The following DACH2 variants were observed in gnomAD, a reference collection of about 807,000 sequenced individuals.
DACH2 encodes the protein dachshund homolog 2.
In DACH2, 17 loss-of-function variants were observed where a neutral mutation model predicts 35.8. That is an observed-to-expected ratio of 0.48 (90% CI 0.33 to 0.71). The LOEUF is 0.71. Ranked by LOEUF, DACH2 falls within the 30% of genes least tolerant of loss-of-function variation. DACH2 has a pLI of 0.02. For synonymous variants in DACH2, 195 were observed against 177.3 expected (o/e 1.10, Z -0.79); for missense variants, 469 against 472.7 (o/e 0.99, Z 0.07).
chrX:86,645,302 A>G (rs761384156), intron 3 of DACH2, among the ~76,000 whole-genome samples: 2 of 111,752 alleles, frequency 1.8e-5, no homozygotes, highest in South Asian at 7.5e-4. Context: ...GCGAACAAGC[A>G]TATGAAAAAA....
chrX:86,514,283 A>G lies in DACH2; in HGVS notation c.532A>G (p.Arg178Gly), dbSNP rs2038435988. The G allele has an allele frequency of 1.7e-6, 2 of 1,210,177 alleles. No homozygotes were observed. Among genetic ancestry groups the G allele is most frequent in the Non-Finnish European group, 2.2e-6 (2 of 894,571 alleles). ...TATTTGTCTGTTTTTCAACAGTTCA[A>G]GACCCGGCAGGCCCCCTAAGCGTTC... ...MTRKQAVNSS[R>G]PGRPPKRSLG... Residue 178 changes from arginine to glycine, a missense_variant, in exon 3 of 12, where the codon AGA (arginine) becomes GGA (glycine). Physicochemically the swap from Arg to Gly is moderately radical, Grantham distance 125 (BLOSUM62 -2). Coordinates refer to ENST00000373125, the MANE Select transcript of DACH2 (RefSeq NM_053281.3).
At chrX:86,149,218 G>C in intron 1 of DACH2, 110 bp downstream of exon 1, 1 of 926,831 alleles carries the variant, frequency 1.1e-6, no homozygotes, top group Non-Finnish European at 1.4e-6. Context: ...TAACTAGTTT[G>C]CCTCTATTCT....
chrX:86,809,550 T>C lies in DACH2; in HGVS notation c.1241-3306T>C, dbSNP rs368843290. Among the ~76,000 whole-genome samples the C allele has an allele frequency of 1.7e-4, 19 of 112,063 alleles. No homozygotes were observed. In the East Asian group the frequency reaches 3.9e-3, roughly 23 times the overall value. ...GATGTATGGTTTGACAGTTTCCTCT[T>C]GCATACACTAAAACATAATACACTT... On this transcript the variant is annotated intron_variant, in intron 7 of 11. Transcript: ENST00000373125.
chrX:86,594,548 T>C (rs896309732), intron 3 of DACH2, among the ~76,000 whole-genome samples: 7 of 109,858 alleles, frequency 6.4e-5, no homozygotes, highest in African/African-American at 1.6e-4. Context: ...AAAACACTTT[T>C]AATTTATCTT....
chrX:86,323,622 C>T (rs1377295509), intron 1 of DACH2, among the ~76,000 whole-genome samples: 1 of 111,972 alleles, frequency 8.9e-6, no homozygotes, highest in African/African-American at 3.2e-5. Context: ...GACAACCAGT[C>T]GGGCATAGGG....
chrX:86,242,348 G>A (rs987544519), intron 1 of DACH2, among the ~76,000 whole-genome samples: 12 of 112,099 alleles, frequency 1.1e-4, no homozygotes, highest in Admixed American at 5.7e-4. Flanking sequence ...GGAGCTTTAC[G>A]ATTTATTGAG....
intron 3 of DACH2, among the ~76,000 whole-genome samples, chrX:86,522,439 G>A (rs948729781): frequency 5.4e-5 from 6 of 111,165 alleles, no homozygotes; most frequent in African/African-American, 2.0e-4. Flanking sequence ...TATTCATTTA[G>A]ATATTATATC....
intron 1 of DACH2, among the ~76,000 whole-genome samples, chrX:86,244,188 C>A (rs1394145861): frequency 9.0e-6 from 1 of 111,424 alleles, no homozygotes; most frequent in Non-Finnish European, 1.9e-5. Flanking sequence ...CAAAGCCAAT[C>A]AAAAAGATTG....
chrX:86,174,716 C>G (rs2031246944), intron 1 of DACH2, among the ~76,000 whole-genome samples: 1 of 111,532 alleles, frequency 9.0e-6, no homozygotes, highest in Admixed American at 9.5e-5. Flanking sequence ...CTGTGTTGCC[C>G]AGGCTGGAGT....
chrX:86,314,301 G>A (rs2034855197), intron 1 of DACH2, among the ~76,000 whole-genome samples: 1 of 111,222 alleles, frequency 9.0e-6, no homozygotes, highest in African/African-American at 3.3e-5. Context: ...AGGATCATTT[G>A]AGCCTAGGAG....
At chrX:86,364,152 A>G (rs1189083244) in intron 1 of DACH2, among the ~76,000 whole-genome samples, 2 of 111,172 alleles carry the variant, frequency 1.8e-5, no homozygotes, top group African/African-American at 6.5e-5. Context: ...TAATTTTTTT[A>G]TTTTTGTTTG....
chrX:86,612,382 C>A (rs1435007761), intron 3 of DACH2, among the ~76,000 whole-genome samples: 1 of 110,366 alleles, frequency 9.1e-6, no homozygotes, highest in African/African-American at 3.3e-5. Context: ...CCTCCCTAGT[C>A]CACTGGCTCT....
chrX:86,512,299 C>T (rs1028870129), intron 2 of DACH2, among the ~76,000 whole-genome samples: 7 of 103,361 alleles, frequency 6.8e-5, no homozygotes, highest in African/African-American at 2.5e-4. Context: ...GCTGTGAAAC[C>T]ATTTTTTTTT....
At chrX:86,808,630 T>A (rs1329990871) in intron 7 of DACH2, among the ~76,000 whole-genome samples, 15 of 84,998 alleles carry the variant, frequency 1.8e-4, no homozygotes, top group African/African-American at 7.5e-4. Context: ...CTGAATGTAA[T>A]AATAATGACA....
At chrX:86,444,179 C>T (rs1207230148) in intron 2 of DACH2, among the ~76,000 whole-genome samples, 1 of 111,857 alleles carries the variant, frequency 8.9e-6, no homozygotes, top group East Asian at 2.8e-4. Context: ...TAGCCTTGAA[C>T]TCAGCTTAAG....
At chrX:86,529,338 C>A in intron 3 of DACH2, among the ~76,000 whole-genome samples, 1 of 110,610 alleles carries the variant, frequency 9.0e-6, no homozygotes, top group East Asian at 2.9e-4. Flanking sequence ...AGCCACTGCA[C>A]CTGGCCTTAG....
At chrX:86,373,479 T>G (rs773430504) in intron 1 of DACH2, among the ~76,000 whole-genome samples, 1 of 110,983 alleles carries the variant, frequency 9.0e-6, no homozygotes, top group South Asian at 3.7e-4. Context: ...ATGACAGTCT[T>G]TGGGAGGACA....
intron 3 of DACH2, among the ~76,000 whole-genome samples, chrX:86,549,413 G>A (rs1402781329): frequency 1.8e-5 from 2 of 111,088 alleles, no homozygotes; most frequent in Non-Finnish European, 3.8e-5. Flanking sequence ...CAATTTGTAA[G>A]TATAGATTCA....
At chrX:86,553,066 C>T (rs572915649) in intron 3 of DACH2, among the ~76,000 whole-genome samples, 1 of 110,829 alleles carries the variant, frequency 9.0e-6, no homozygotes, top group African/African-American at 3.3e-5. Context: ...AATATTGACT[C>T]ACACAATCAC....
Sources: allele counts gnomAD v4.1 joint callset (sites outside exome capture counted in the v4.1 genomes callset), GRCh38; gene constraint gnomAD v4.1.1; transcripts MANE v1.5; gene names NCBI Gene and HGNC (gene_info 2026-07-23, HGNC 2026-07-21).